Variants in KCNT2 observed in about 807,000 individuals in gnomAD.
KCNT2 encodes potassium sodium-activated channel subfamily T member 2.
KCNT2 carries 67 observed loss-of-function variants against 153.8 expected under a neutral mutation model. That is an observed-to-expected ratio of 0.44 (90% CI 0.36 to 0.53). The LOEUF is 0.53. Among genes scored for constraint, KCNT2 ranks in the 20% least tolerant of loss-of-function variants. The pLI is 0.00. For missense variants in KCNT2, 975 were observed against 1,354.8 expected (o/e 0.72, Z 4.40); for synonymous variants, 500 against 458.8 (o/e 1.09, Z -1.15).
At chr1:196,281,517 T>C (rs1659093296) in intron 24 of KCNT2, among the ~76,000 whole-genome samples, 1 of 152,132 alleles carries the variant, frequency 6.6e-6, no homozygotes, top group Non-Finnish European at 1.5e-5. Flanking sequence ...CAATAATGCC[T>C]ATATTGAGAA....
chr1:196,588,846 C>T (rs1035008579), intron 1 of KCNT2, among the ~76,000 whole-genome samples: 10 of 151,874 alleles, frequency 6.6e-5, no homozygotes, highest in African/African-American at 2.2e-4. Context: ...CATTAAACAC[C>T]ATGAAATATA....
chr1:196,441,131 A>G (rs766161968), intron 8 of KCNT2, among the ~76,000 whole-genome samples: 2 of 151,912 alleles, frequency 1.3e-5, no homozygotes, highest in Non-Finnish European at 2.9e-5. Flanking sequence ...AAAAAAATTG[A>G]CATTCCACCT....
chr1:196,599,104 C>G (rs1229025024), intron 1 of KCNT2, among the ~76,000 whole-genome samples: 2 of 152,200 alleles, frequency 1.3e-5, no homozygotes, highest in African/African-American at 4.8e-5. Context: ...TTAATGGAAC[C>G]TGTGCAGCTT....
At chr1:196,526,325 A>G (rs1572726448) in intron 1 of KCNT2, among the ~76,000 whole-genome samples, 1 of 151,026 alleles carries the variant, frequency 6.6e-6, no homozygotes, top group East Asian at 1.9e-4. Flanking sequence ...TATAAAATAT[A>G]AATGCACACA....
intron 3 of KCNT2, among the ~76,000 whole-genome samples, chr1:196,488,410 T>C (rs1028074150): frequency 3.3e-5 from 5 of 151,992 alleles, no homozygotes; most frequent in African/African-American, 1.2e-4. Flanking sequence ...CAAATGTATA[T>C]CCTCTACAAT....
In KCNT2 at chr1:196,289,923, T is replaced by C. The variant is rs1375381542; in HGVS notation, c.2596-4165A>G. On this transcript the variant is annotated intron_variant, in intron 22 of 27. Coordinates refer to ENST00000294725, the MANE Select transcript of KCNT2 (RefSeq NM_198503.5). Reference sequence around the variant, plus strand: ...AAAGATTTCAGACACTTTTAAATGTTTGGTCTTACCTACTTTTCCATTTGT... The same window carrying C: ...AAAGATTTCAGACACTTTTAAATGTCTGGTCTTACCTACTTTTCCATTTGT... Among the ~76,000 whole-genome samples, 5 of 152,228 alleles carry C rather than the reference T, an allele frequency of 3.3e-5. No homozygotes were observed. The East Asian group carries it at 9.7e-4, about 29-fold the overall frequency.
chr1:196,443,650 A>G (rs1675435144), intron 8 of KCNT2, among the ~76,000 whole-genome samples: 1 of 151,606 alleles, frequency 6.6e-6, no homozygotes, highest in Non-Finnish European at 1.5e-5. Context: ...ACAGGTTTGA[A>G]AAGGTTCCCT....
At chr1:196,602,698 GA>G (rs1320452814) in intron 1 of KCNT2, among the ~76,000 whole-genome samples, 10 of 149,106 alleles carry the variant, frequency 6.7e-5, no homozygotes, top group Admixed American at 6.0e-4. Flanking sequence ...AGTAGTGATT[GA>G]AAAACAATAA....
At chr1:196,247,272 C>T (rs1655539570) in intron 26 of KCNT2, among the ~76,000 whole-genome samples, 1 of 152,004 alleles carries the variant, frequency 6.6e-6, no homozygotes, top group South Asian at 2.1e-4. Context: ...TTGGAATACC[C>T]AGATATACAA....
chr1:196,479,525 G>A (rs1678824363), intron 4 of KCNT2, among the ~76,000 whole-genome samples: 1 of 152,144 alleles, frequency 6.6e-6, no homozygotes, highest in Non-Finnish European at 1.5e-5. Context: ...TAGGCTGGCT[G>A]CAGTTTACAT....
chr1:196,322,995 C>T (rs1663481155), intron 19 of KCNT2, among the ~76,000 whole-genome samples: 1 of 151,772 alleles, frequency 6.6e-6, no homozygotes, highest in South Asian at 2.1e-4. Context: ...TCAGATATTG[C>T]ACTAGGATTT....
At chr1:196,591,612 T>C (rs1311428139) in intron 1 of KCNT2, among the ~76,000 whole-genome samples, 1 of 152,202 alleles carries the variant, frequency 6.6e-6, no homozygotes, top group Non-Finnish European at 1.5e-5. Context: ...AATGCTCTCA[T>C]AGTACAATCC....
At chr1:196,263,752 T>C (rs1657250953) in intron 25 of KCNT2, among the ~76,000 whole-genome samples, 1 of 152,218 alleles carries the variant, frequency 6.6e-6, no homozygotes. Context: ...TTTTCACTAC[T>C]ATCAAACGAA....
chr1:196,234,471 G>A (rs1224381930), intron 27 of KCNT2, among the ~76,000 whole-genome samples: 3 of 151,070 alleles, frequency 2.0e-5, no homozygotes, highest in Admixed American at 6.6e-5. Context: ...ATAGGGGCTT[G>A]CCTTTACAAT....
intron 1 of KCNT2, among the ~76,000 whole-genome samples, chr1:196,572,399 A>T (rs954169374): frequency 6.6e-6 from 1 of 152,066 alleles, no homozygotes; most frequent in Admixed American, 6.6e-5. Flanking sequence ...TCTAGGAAAG[A>T]AGGCAGACTT....
intron 1 of KCNT2, among the ~76,000 whole-genome samples, chr1:196,538,625 A>G (rs1655929605): frequency 6.6e-6 from 1 of 152,264 alleles, no homozygotes; most frequent in Admixed American, 6.5e-5. Context: ...TGGTGTGGTT[A>G]TATAATGTGC....
intron 16 of KCNT2, among the ~76,000 whole-genome samples, chr1:196,337,565 C>T (rs1665156048): frequency 6.6e-6 from 1 of 152,072 alleles, no homozygotes. Context: ...TACTATTCTT[C>T]CAGCATTCAC....
At chr1:196,283,350 C>T (rs372748184) in intron 23 of KCNT2, among the ~76,000 whole-genome samples, 1 of 151,906 alleles carries the variant, frequency 6.6e-6, no homozygotes, top group East Asian at 2.0e-4. Flanking sequence ...CTGAGAATGG[C>T]GTGAACCCCG....
chr1:196,568,018 A>G (rs1443021570), intron 1 of KCNT2, among the ~76,000 whole-genome samples: 2 of 152,192 alleles, frequency 1.3e-5, no homozygotes, highest in Non-Finnish European at 2.9e-5. Context: ...AAAAATCCTA[A>G]GACTTGATCT....
Sources: gnomAD v4.1 joint callset for allele counts (sites outside exome capture counted in the v4.1 genomes callset) on GRCh38, gnomAD v4.1.1 for gene constraint, MANE v1.5 for transcripts, NCBI Gene and HGNC (gene_info 2026-07-23, HGNC 2026-07-21) for gene names.